The following EPHA6 variants were observed in gnomAD, a reference collection of about 807,000 sequenced individuals.
EPHA6 encodes the protein EPH receptor A6, also known as ephrin type-A receptor 6.
In EPHA6, 50 loss-of-function variants were observed where a neutral mutation model predicts 112.0. The ratio of observed to expected loss-of-function variants is 0.45; its 90% CI spans 0.36 to 0.56. The LOEUF (loss-of-function observed/expected upper bound fraction) is 0.56. EPHA6 is among the 20% of genes least tolerant of loss of function. The probability of loss-of-function intolerance (pLI) is 0.00; values close to 1 mark genes in which losing one functional copy is unlikely to be tolerated. For synonymous variants in EPHA6, 529 were observed against 490.7 expected (o/e 1.08, Z -1.03); for missense variants, 1,280 against 1,417.4 (o/e 0.90, Z 1.56).
intron 2 of EPHA6, among the ~76,000 whole-genome samples, chr3:96,870,307 C>T (rs960029999): frequency 1.3e-5 from 2 of 151,894 alleles, no homozygotes; most frequent in African/African-American, 4.8e-5. Flanking sequence ...GACATCAGTT[C>T]CCAAGTCTGA....
chr3:97,536,687 T>G (rs2092769199), intron 11 of EPHA6, among the ~76,000 whole-genome samples: 1 of 152,120 alleles, frequency 6.6e-6, no homozygotes, highest in Non-Finnish European at 1.5e-5. Context: ...ATTTTAGTAC[T>G]TGCACAAAAA....
intron 5 of EPHA6, among the ~76,000 whole-genome samples, chr3:97,401,491 G>T (rs2086986708): frequency 2.0e-5 from 3 of 151,672 alleles, no homozygotes; most frequent in African/African-American, 7.3e-5. Context: ...AGTCTCTAAT[G>T]ATCCTTTGTA....
chr3:97,632,005 A>C (rs1196516012), intron 13 of EPHA6, among the ~76,000 whole-genome samples: 1 of 152,034 alleles, frequency 6.6e-6, no homozygotes, highest in African/African-American at 2.4e-5. Flanking sequence ...TAAGATATTT[A>C]GTTCCCTTTT....
intron 13 of EPHA6, among the ~76,000 whole-genome samples, chr3:97,615,739 T>C (rs925860119): frequency 3.9e-5 from 6 of 152,074 alleles, no homozygotes; most frequent in African/African-American, 1.4e-4. Context: ...CTTTAACCAA[T>C]GTATTCCTCC....
At chr3:97,160,965 T>C (rs1576594028) in intron 3 of EPHA6, among the ~76,000 whole-genome samples, 1 of 152,238 alleles carries the variant, frequency 6.6e-6, no homozygotes, top group East Asian at 1.9e-4. Flanking sequence ...CATGAGGCCA[T>C]AGGTGCAGAC....
chr3:97,047,412 A>G (rs1336206192), intron 3 of EPHA6, among the ~76,000 whole-genome samples: 1 of 149,058 alleles, frequency 6.7e-6, no homozygotes, highest in Non-Finnish European at 1.5e-5. Flanking sequence ...AGGCAGGATA[A>G]TGGCATGAAC....
At chr3:97,628,688 A>G (rs956047134) in intron 13 of EPHA6, among the ~76,000 whole-genome samples, 4 of 152,186 alleles carry the variant, frequency 2.6e-5, no homozygotes, top group Admixed American at 2.6e-4. Context: ...ATATTAATTT[A>G]AAAATTAAAG....
intron 2 of EPHA6, among the ~76,000 whole-genome samples, chr3:96,951,890 G>A (rs2041551806): frequency 6.6e-6 from 1 of 152,064 alleles, no homozygotes; most frequent in Admixed American, 6.5e-5. Context: ...TCTGTGGCCT[G>A]CAGTAGTCAT....
chr3:97,405,872 A>G (rs896084649), intron 6 of EPHA6, among the ~76,000 whole-genome samples: 1 of 152,020 alleles, frequency 6.6e-6, no homozygotes, highest in African/African-American at 2.4e-5. Context: ...ATACATTAGT[A>G]TATTTCCCCA....
At chr3:97,249,873 T>C (rs114813014) in intron 5 of EPHA6, among the ~76,000 whole-genome samples, 2 of 152,342 alleles carry the variant, frequency 1.3e-5, no homozygotes, top group Non-Finnish European at 2.9e-5. Flanking sequence ...CTGTTCTGTG[T>C]TCTAGGAATA....
intron 6 of EPHA6, among the ~76,000 whole-genome samples, chr3:97,410,336 G>T (rs905303405): frequency 6.6e-6 from 1 of 151,974 alleles, no homozygotes; most frequent in Non-Finnish European, 1.5e-5. Context: ...ATCAACATGA[G>T]AAAGAAAAAC....
intron 2 of EPHA6, among the ~76,000 whole-genome samples, chr3:96,946,781 A>C (rs1239170532): frequency 2.0e-5 from 3 of 152,214 alleles, no homozygotes; most frequent in African/African-American, 7.2e-5. Flanking sequence ...ACTAGTTTAC[A>C]GACCCACCAA....
intron 5 of EPHA6, among the ~76,000 whole-genome samples, chr3:97,392,237 G>T (rs1164341889): frequency 6.6e-6 from 1 of 151,722 alleles, no homozygotes; most frequent in African/African-American, 2.4e-5. Flanking sequence ...AGGCTCTTTG[G>T]AATAAAATTA....
chr3:97,190,185 AC>A (rs1252970176), intron 3 of EPHA6, among the ~76,000 whole-genome samples: 1 of 152,150 alleles, frequency 6.6e-6, no homozygotes, highest in African/African-American at 2.4e-5. Context: ...ACCACCCTTT[AC>A]TTGTAGTGAT....
chr3:97,575,481 C>T (rs2093373774), intron 11 of EPHA6, among the ~76,000 whole-genome samples: 1 of 152,092 alleles, frequency 6.6e-6, no homozygotes, highest in Non-Finnish European at 1.5e-5. Flanking sequence ...AGTAAAACTA[C>T]TCATTTCATA....
At chr3:96,949,143 G>A (rs1278429745) in intron 2 of EPHA6, among the ~76,000 whole-genome samples, 2 of 152,114 alleles carry the variant, frequency 1.3e-5, no homozygotes, top group Non-Finnish European at 2.9e-5. Flanking sequence ...ACATCAGGTC[G>A]AAAATAAATG....
chr3:97,333,468 C>CTTTTTTTTTTT (rs869258362), intron 5 of EPHA6, among the ~76,000 whole-genome samples: 15 of 75,878 alleles, frequency 2.0e-4, no homozygotes, highest in African/African-American at 7.4e-4. Context: ...TATGGCTTTT[C>CTTTTTTTTTTT]TTTTTTTTTT....
chr3:97,551,462 A>AT (rs1055334947), intron 11 of EPHA6, among the ~76,000 whole-genome samples: 4 of 151,930 alleles, frequency 2.6e-5, no homozygotes, highest in Admixed American at 1.3e-4. Context: ...GACATCAGTG[A>AT]TTTTTTTTCT....
intron 5 of EPHA6, among the ~76,000 whole-genome samples, chr3:97,403,270 TTAA>T (rs1230381641): frequency 6.6e-6 from 1 of 152,142 alleles, no homozygotes. Context: ...TTTTTCTTAT[TTAA>T]TTCTTAAAGC....
Sources: gnomAD v4.1 joint callset for allele counts (sites outside exome capture counted in the v4.1 genomes callset) on GRCh38, gnomAD v4.1.1 for gene constraint, MANE v1.5 for transcripts, NCBI Gene and HGNC (gene_info 2026-07-23, HGNC 2026-07-21) for gene names.